The following ITGB8 variants were observed in gnomAD, a reference collection of about 807,000 sequenced individuals.
The protein encoded by ITGB8 is integrin beta-8.
In ITGB8, 30 loss-of-function variants were observed where a neutral mutation model predicts 89.5. The ratio of observed to expected loss-of-function variants is 0.34; its 90% CI spans 0.25 to 0.45. The LOEUF (loss-of-function observed/expected upper bound fraction) is 0.45. ITGB8 is among the 20% of genes least tolerant of loss of function. The probability of loss-of-function intolerance (pLI) is 1.00; values close to 1 mark genes in which losing one functional copy is unlikely to be tolerated. For missense variants in ITGB8, 836 were observed against 933.3 expected (o/e 0.90, Z 1.36); for synonymous variants, 335 against 320.4 (o/e 1.05, Z -0.49).
At chr7:20,346,415 G>A (rs566021307) in intron 1 of ITGB8, among the ~76,000 whole-genome samples, 45 of 152,304 alleles carry the variant, frequency 3.0e-4, no homozygotes, top group African/African-American at 1.1e-3. Context: ...GCCTTCTAGG[G>A]ATTAGAATGT....
At chr7:20,362,011 G>A (rs929197472) in intron 1 of ITGB8, among the ~76,000 whole-genome samples, 3 of 152,158 alleles carry the variant, frequency 2.0e-5, no homozygotes, top group African/African-American at 7.2e-5. Flanking sequence ...AACATTAAAG[G>A]TATTAGGGAA....
chr7:20,382,448 A>G (rs1786437697), intron 6 of ITGB8, among the ~76,000 whole-genome samples: 1 of 152,218 alleles, frequency 6.6e-6, no homozygotes, highest in Non-Finnish European at 1.5e-5. Flanking sequence ...TAAGCTCTGA[A>G]TCATATATTT....
chr7:20,338,260 G>A (rs1303437024), intron 1 of ITGB8, among the ~76,000 whole-genome samples: 1 of 152,166 alleles, frequency 6.6e-6, no homozygotes, highest in Non-Finnish European at 1.5e-5. Flanking sequence ...TATGTAGTCT[G>A]TTATGCTCAC....
At chr7:20,335,660 C>G (rs986014891) in intron 1 of ITGB8, among the ~76,000 whole-genome samples, 4 of 152,214 alleles carry the variant, frequency 2.6e-5, no homozygotes, top group African/African-American at 9.7e-5. Flanking sequence ...TAACTCCTCT[C>G]TCCGATTCTT....
chr7:20,395,679 TA>T (rs1787045165), intron 8 of ITGB8, among the ~76,000 whole-genome samples: 2 of 152,218 alleles, frequency 1.3e-5, no homozygotes, highest in South Asian at 4.1e-4. Flanking sequence ...TTTTTACCAC[TA>T]AGATCCAGTC....
At chr7:20,349,785 T>C (rs894504502) in intron 1 of ITGB8, among the ~76,000 whole-genome samples, 1 of 152,150 alleles carries the variant, frequency 6.6e-6, no homozygotes, top group Non-Finnish European at 1.5e-5. Flanking sequence ...AAGAAATATA[T>C]TCCTTCATTG....
rs1787829785 is a variant in ITGB8 at position 20,413,387 on chromosome 7, A to G, written c.*3390A>G. 6.6e-6 allele frequency: 1 copy of G among 152,578 alleles called. No individual in the cohort carries two copies. The highest frequency in any genetic ancestry group is 2.4e-5 in the African/African-American group (1 of 41,452). The allele number at this position is 152,578 out of a possible 1,614,324, so 9.5% of individuals were successfully genotyped here. A position where few individuals can be genotyped will look rare whatever the true frequency, so the allele number is the denominator to read the frequency against. ...TTAATATTTACTTAATATCCACTGA[A>G]GATATCTTTATGCAAGACAAGAGTC... On this transcript the variant is annotated 3_prime_UTR_variant, in exon 14 of 14. Coordinates refer to ENST00000222573, the MANE Select transcript of ITGB8 (RefSeq NM_002214.3).
At chr7:20,396,365 G>A (rs77771608) in intron 8 of ITGB8, among the ~76,000 whole-genome samples, 13,067 of 151,624 alleles carry the variant, frequency 0.086, 722 homozygotes, top group East Asian at 0.35. Flanking sequence ...CCCAGGAGGC[G>A]GAGCTTGCAA....
intron 1 of ITGB8, among the ~76,000 whole-genome samples, chr7:20,358,294 C>T (rs1785370528): frequency 6.6e-6 from 1 of 152,056 alleles, no homozygotes; most frequent in Non-Finnish European, 1.5e-5. Context: ...TGGGAGATAG[C>T]AATGTGACAT....
intron 1 of ITGB8, among the ~76,000 whole-genome samples, chr7:20,358,120 C>CA (rs1785362543): frequency 6.6e-6 from 1 of 152,130 alleles, no homozygotes; most frequent in Admixed American, 6.5e-5. Context: ...TGTGTGCCAC[C>CA]ACACCCAGCT....
At chr7:20,360,915 CTTT>C (rs1167974755) in intron 1 of ITGB8, among the ~76,000 whole-genome samples, 2,629 of 80,860 alleles carry the variant, frequency 0.033, 28 homozygotes, top group Non-Finnish European at 0.047. Context: ...CAACTGCAGT[CTTT>C]TTTTTTTTTT....
rs1309169871 is a variant in ITGB8 at position 20,413,365 on chromosome 7, A to G, written c.*3368A>G. 1 of 152,574 alleles carries G rather than the reference A, an allele frequency of 6.6e-6. No homozygotes were observed. The highest frequency in any genetic ancestry group is 1.5e-5 in the Non-Finnish European group (1 of 67,972). The allele number at this position is 152,574 out of a possible 1,614,324, so 9.5% of individuals were successfully genotyped here. A position where few individuals can be genotyped will look rare whatever the true frequency, so the allele number is the denominator to read the frequency against. On this transcript the variant is annotated 3_prime_UTR_variant, in exon 14 of 14. Transcript: ENST00000222573. ...AGAATGAATCTGAAATATATTTTTA[A>G]TATTTACTTAATATCCACTGAAGAT...
At chr7:20,369,079 G>C (rs1029511691) in intron 3 of ITGB8, among the ~76,000 whole-genome samples, 2 of 152,146 alleles carry the variant, frequency 1.3e-5, no homozygotes, top group African/African-American at 2.4e-5. Context: ...TTAAGAGTAA[G>C]TTGTTAATAT....
At chr7:20,331,995 G>A in intron 1 of ITGB8, 62 bp downstream of exon 1, 2 of 1,573,612 alleles carry the variant, frequency 1.3e-6, no homozygotes, top group Non-Finnish European at 8.6e-7. Context: ...CTGGCACGAA[G>A]AGCTGCCCGG....
At chr7:20,405,049 A>T (rs543514949) in intron 11 of ITGB8, among the ~76,000 whole-genome samples, 196 bp downstream of exon 11, 1 of 152,176 alleles carries the variant, frequency 6.6e-6, no homozygotes, top group South Asian at 2.1e-4. Flanking sequence ...GCATCAGAGT[A>T]TATCTGGACA....
At chr7:20,365,181 G>A (rs549638577) in intron 2 of ITGB8, 3 of 152,294 alleles carry the variant, frequency 2.0e-5, no homozygotes, top group South Asian at 2.1e-4. Context: ...TTGAGTATTC[G>A]GAGGAATCAG....
At position 20,410,111 on chromosome 7, in the gene ITGB8, T is replaced by C; in HGVS notation, c.*114T>C. The stretch of plus-strand genomic sequence containing the variant: ...AATTGCTCACGGTCATGCCAGTTGC[T>C]GGTTGTACACTCGAACGAAGACTGA... On this transcript the variant is annotated 3_prime_UTR_variant, in exon 14 of 14. Transcript: ENST00000222573. 1 of 1,051,964 alleles carries C rather than the reference T, an allele frequency of 9.5e-7. No homozygotes were observed. Among genetic ancestry groups the C allele is most frequent in the East Asian group, 2.4e-5 (1 of 41,214 alleles). The allele number at this position is 1,051,964 out of a possible 1,614,324, so 65.2% of individuals were successfully genotyped here.
chr7:20,386,466 G>A (rs1786630337), intron 6 of ITGB8, among the ~76,000 whole-genome samples: 1 of 130,840 alleles, frequency 7.6e-6, no homozygotes, highest in Admixed American at 8.8e-5. Flanking sequence ...CACTGTGTTA[G>A]CCAGGCTGGT....
Position 20,409,871 on chromosome 7 carries a change from T to C in ITGB8, c.2188-4T>C. The C allele has an allele frequency of 1.9e-6, 3 of 1,613,026 alleles. No homozygotes were observed. Among genetic ancestry groups the C allele is most frequent in the Non-Finnish European group, 2.5e-6 (3 of 1,179,532 alleles). Reference sequence around the variant, plus strand: ...GTTAATAATAATATTTCTTCTCTATTAAGGATAAGTTGATTCTGCAAAGTG... The same window carrying C: ...GTTAATAATAATATTTCTTCTCTATCAAGGATAAGTTGATTCTGCAAAGTG... On this transcript the variant is annotated splice_polypyrimidine_tract_variant and splice_region_variant and intron_variant, in intron 13 of 13. Transcript: ENST00000222573.
Sources: allele counts gnomAD v4.1 joint callset (sites outside exome capture counted in the v4.1 genomes callset), GRCh38; gene constraint gnomAD v4.1.1; transcripts MANE v1.5; gene names NCBI Gene and HGNC (gene_info 2026-07-23, HGNC 2026-07-21).